Variants in CFAP54 observed in about 807,000 individuals in gnomAD.
CFAP54 encodes cilia- and flagella-associated protein 54.
A neutral mutation model predicts 370.4 loss-of-function variants in CFAP54; 290 were observed. The ratio of observed to expected loss-of-function variants is 0.78; its 90% CI spans 0.71 to 0.86. The LOEUF (loss-of-function observed/expected upper bound fraction) is 0.86, where lower values mean the gene tolerates loss of function less well. Ranked by LOEUF, CFAP54 falls within the 40% of genes least tolerant of loss-of-function variation. CFAP54 has a pLI of 0.00. For missense variants in CFAP54, 3,399 were observed against 3,528.7 expected (o/e 0.96, Z 0.93); for synonymous variants, 1,206 against 1,236.5 (o/e 0.98, Z 0.52).
rs145372587 is a variant in CFAP54, at chr12:96,531,609, A to C, written c.1358-2183A>C. Among the ~76,000 whole-genome samples, 778 of 152,110 alleles carry C rather than the reference A, an allele frequency of 5.1e-3. 11 individuals are homozygous for C. Among genetic ancestry groups the C allele is most frequent in the African/African-American group, 0.018 (735 of 41,500 alleles). ...TGTCTTTATTCTGTTGCATTCTGGG[A>C]AGCTTCCTCTATCTGATTTTTCAGG... On this transcript the variant is annotated intron_variant, in intron 9 of 67. Coordinates refer to ENST00000524981, the MANE Select transcript of CFAP54 (RefSeq NM_001306084.2).
At chr12:96,512,335 ATATATAT>A (rs1565880131) in intron 4 of CFAP54, among the ~76,000 whole-genome samples, 5 of 37,790 alleles carry the variant, frequency 1.3e-4, no homozygotes, top group African/African-American at 5.5e-4. Flanking sequence ...ATATATATAT[ATATATAT>A]ATATATATGT....
At chr12:96,856,059 A>C (rs1041799502) in intron 66 of CFAP54, among the ~76,000 whole-genome samples, 2 of 152,150 alleles carry the variant, frequency 1.3e-5, no homozygotes, top group African/African-American at 4.8e-5. Context: ...GAAACTGCCA[A>C]GGCTTGGGGC....
At chr12:96,633,010 C>T (rs1956624605) in intron 32 of CFAP54, among the ~76,000 whole-genome samples, 3 of 151,974 alleles carry the variant, frequency 2.0e-5, no homozygotes, top group African/African-American at 7.2e-5. Context: ...TTTAAAATTA[C>T]ATTTTTGAAT....
intron 63 of CFAP54, among the ~76,000 whole-genome samples, chr12:96,802,675 A>G (rs1468544786): frequency 2.0e-5 from 3 of 152,148 alleles, no homozygotes; most frequent in East Asian, 3.9e-4. Context: ...GTTCTGGTAT[A>G]CATTTGCAGA....
rs762822398 is a variant in CFAP54, at chr12:96,802,745, C to T, written c.8851-8991C>T. Among the ~76,000 whole-genome samples, 77 of 152,000 alleles carry T rather than the reference C, an allele frequency of 5.1e-4. 2 individuals are homozygous for T. Among genetic ancestry groups the T allele is most frequent in the Admixed American group, 1.3e-3 (20 of 15,248 alleles). ...CTGGCTGTTTGCTGCACCTATCAAC[C>T]GGTTTGCTGCACCTATCAACCTGTC... is the stretch of plus-strand genomic sequence containing the variant. On this transcript the variant is annotated intron_variant, in intron 63 of 67. Coordinates refer to ENST00000524981, the MANE Select transcript of CFAP54 (RefSeq NM_001306084.2).
chr12:96,819,484 GGT>G (rs1406765950), intron 65 of CFAP54, among the ~76,000 whole-genome samples: 1 of 152,116 alleles, frequency 6.6e-6, no homozygotes, highest in East Asian at 1.9e-4. Context: ...TTTTTCTGGA[GGT>G]ATCAATTTTA....
At position 96,829,044 on chromosome 12, in the gene CFAP54, G is replaced by A. The variant is rs760083689; in HGVS notation, c.9127G>A (p.Ala3043Thr). The A allele has an allele frequency of 4.3e-5, 66 of 1,520,806 alleles. No individual in the cohort carries two copies. In the African/African-American group the frequency reaches 8.4e-4, roughly 19 times the overall value. The allele number at this position is 1,520,806 out of a possible 1,614,324, so 94.2% of individuals were successfully genotyped here. Residue 3043 changes from alanine (A) to threonine (T), a missense_variant, in exon 66 of 68, where the codon GCA becomes ACA. By Grantham distance (58) the Ala-to-Thr change is moderately conservative. This residue lies in a region of CFAP54 where 2,796 missense variants were observed against 2,869.7 expected (regional missense o/e 0.97). Coordinates refer to ENST00000524981, the MANE Select transcript of CFAP54 (RefSeq NM_001306084.2). ...DMIIQCCSEI[A>T]SLFLNDKEPT... ...GATTATTCAATGTTGCTCTGAAATA[G>A]CATCTCTGTTTTTGAATGATAAAGA... is the stretch of plus-strand genomic sequence containing the variant.
At chr12:96,641,945 G>C (rs1592901837) in intron 32 of CFAP54, among the ~76,000 whole-genome samples, 1 of 151,346 alleles carries the variant, frequency 6.6e-6, no homozygotes, top group Admixed American at 6.6e-5. Context: ...GTGCGGGGGG[G>C]GAGGGATAGC....
chr12:96,599,057 G>C (rs868789224), intron 26 of CFAP54, among the ~76,000 whole-genome samples: 1 of 151,950 alleles, frequency 6.6e-6, no homozygotes, highest in African/African-American at 2.4e-5. Flanking sequence ...TGTGCACAAC[G>C]TGCAGGTTTG....
intron 22 of CFAP54, among the ~76,000 whole-genome samples, chr12:96,582,507 C>T (rs1956041959): frequency 6.6e-6 from 1 of 152,014 alleles, no homozygotes; most frequent in South Asian, 2.1e-4. Flanking sequence ...GAGAGAATTA[C>T]TAGGATTTGT....
chr12:96,707,385 C>A (rs551204699), intron 47 of CFAP54, among the ~76,000 whole-genome samples: 93 of 152,102 alleles, frequency 6.1e-4, no homozygotes, highest in African/African-American at 2.2e-3. Context: ...TATTCAAAGA[C>A]TGATAATTGA....
Position 96,518,949 on chromosome 12 carries a change from G to T in CFAP54, c.820G>T (p.Ala274Ser). The change falls in exon 6 of 68, where the codon GCC (alanine) becomes TCC (serine). Residue 274 changes from alanine (A) to serine (S), a missense_variant. Physicochemically the swap from Ala to Ser is moderately conservative, Grantham distance 99 (BLOSUM62 1). Coordinates refer to ENST00000524981, the MANE Select transcript of CFAP54 (RefSeq NM_001306084.2). Reference protein sequence around the residue: ...SSKALEYLLWASMCMESLVPL... With the variant: ...SSKALEYLLWSSMCMESLVPL... ...GCAGGCCTTAGAGTATCTCCTGTGG[G>T]CCAGCATGTGTATGGAGTCCTTGGT... 6.5e-7 allele frequency: 1 copy of T among 1,535,478 alleles called. No homozygotes were observed. Among genetic ancestry groups the T allele is most frequent in the East Asian group, 2.4e-5 (1 of 40,890 alleles).
chr12:96,671,811 A>G (rs550152218), intron 39 of CFAP54, among the ~76,000 whole-genome samples: 253 of 152,212 alleles, frequency 1.7e-3, no homozygotes, highest in Non-Finnish European at 2.7e-3. Context: ...AATCCCAGCT[A>G]CTCGGGAGGC....
chr12:96,861,927 A>T (rs775247613), intron 67 of CFAP54, among the ~76,000 whole-genome samples: 1 of 152,180 alleles, frequency 6.6e-6, no homozygotes, highest in Non-Finnish European at 1.5e-5. Flanking sequence ...CTCATGGTTT[A>T]AAAAAATAAC....
intron 66 of CFAP54, among the ~76,000 whole-genome samples, chr12:96,842,288 G>A (rs1445227079): frequency 6.6e-6 from 1 of 152,142 alleles, no homozygotes; most frequent in African/African-American, 2.4e-5. Context: ...TACAGTTACT[G>A]TGTATCCTTT....
chr12:96,825,640 T>C (rs1226069896), intron 65 of CFAP54, among the ~76,000 whole-genome samples: 1 of 121,592 alleles, frequency 8.2e-6, no homozygotes, highest in Non-Finnish European at 1.6e-5. Flanking sequence ...TATATCACCC[T>C]ATTGTATATT....
chr12:96,584,182 G>T (rs980771120), intron 22 of CFAP54, among the ~76,000 whole-genome samples: 11 of 150,778 alleles, frequency 7.3e-5, no homozygotes, highest in African/African-American at 2.4e-4. Flanking sequence ...AAAAAAAATA[G>T]GCCCAGTGTA....
At chr12:96,581,193 C>A in intron 22 of CFAP54, 88 bp downstream of exon 22, 1 of 945,336 alleles carries the variant, frequency 1.1e-6, no homozygotes, top group Non-Finnish European at 1.4e-6. Context: ...ATAAAAATCA[C>A]AGCAGATATT....
rs777108905 is a variant in CFAP54 at position 96,538,464 on chromosome 12, C to T, written c.1872C>T (p.Leu624=). 41 of 1,535,942 alleles carry T rather than the reference C, an allele frequency of 2.7e-5. 1 individual carries two copies. In the East Asian group the frequency reaches 2.9e-4, roughly 11 times the overall value. Residue 624 remains leucine, a synonymous_variant, in exon 13 of 68, where the codon CTC becomes CTT. Coordinates refer to ENST00000524981, the MANE Select transcript of CFAP54 (RefSeq NM_001306084.2). ...WQKCKLGIQR[L]NISRNDYAKF... ...AATGCAAATTAGGAATTCAGCGGCT[C>T]AATATATCCAGAAATGACTATGCAA...
Sources: allele counts gnomAD v4.1 joint callset (sites outside exome capture counted in the v4.1 genomes callset), GRCh38; gene constraint gnomAD v4.1.1; regional missense constraint gnomAD v4.1.1; transcripts MANE v1.5; gene names NCBI Gene and HGNC (gene_info 2026-07-23, HGNC 2026-07-21).